CBX5: variants seen among roughly 807,000 people sequenced by gnomAD.
CBX5 encodes the protein chromobox 5, also known as chromobox protein homolog 5.
A neutral mutation model predicts 20.7 loss-of-function variants in CBX5; 7 were observed. That is an observed-to-expected ratio of 0.34 (90% confidence interval 0.19 to 0.63). The LOEUF (loss-of-function observed/expected upper bound fraction) is 0.63, where lower values mean the gene tolerates loss of function less well. Ranked by LOEUF, CBX5 falls within the 30% of genes least tolerant of loss-of-function variation. CBX5 has a pLI of 0.75. For synonymous variants in CBX5, 78 were observed against 77.0 expected (o/e 1.01, Z -0.07); for missense variants, 110 against 224.1 (o/e 0.49, Z 3.25).
rs1565869567 is a variant in CBX5 at position 54,252,016 on chromosome 12, T to TG, written c.324+24dup. 4 of 1,524,062 alleles carry TG rather than the reference T, an allele frequency of 2.6e-6. No homozygotes were observed. In the African/African-American group the frequency reaches 5.7e-5, roughly 22 times the overall value. 94.4% of individuals were successfully genotyped at this position (1,524,062 alleles called of 1,614,324 possible). ...ATTTTGGTGGCAAAAGAATAGTTTT[T>TG]GGGGAAAAGGGAAAGGAAGCTTACC... On this transcript the variant is annotated intron_variant, in intron 3 of 4. Coordinates refer to ENST00000209875, the MANE Select transcript of CBX5 (RefSeq NM_012117.3).
At chr12:54,271,326 T>C (rs1449802166) in intron 1 of CBX5, among the ~76,000 whole-genome samples, 2 of 152,062 alleles carry the variant, frequency 1.3e-5, no homozygotes, top group African/African-American at 4.8e-5. Context: ...TGTTATTTCC[T>C]TTTTCTTTTC....
intron 1 of CBX5, among the ~76,000 whole-genome samples, chr12:54,277,537 C>T (rs1944081821): frequency 6.6e-6 from 1 of 151,824 alleles, no homozygotes; most frequent in Non-Finnish European, 1.5e-5. Context: ...CGGGTTTCAC[C>T]TTGTTGGCCA....
intron 1 of CBX5, among the ~76,000 whole-genome samples, chr12:54,265,134 C>T (rs1943945186): frequency 6.6e-6 from 1 of 152,196 alleles, no homozygotes; most frequent in Non-Finnish European, 1.5e-5. Context: ...ACGATTCCCA[C>T]TTCTCCTTAA....
chr12:54,269,216 T>C (rs994394223), intron 1 of CBX5, among the ~76,000 whole-genome samples: 14 of 151,690 alleles, frequency 9.2e-5, no homozygotes, highest in African/African-American at 2.2e-4. Flanking sequence ...TGAGTCGAGA[T>C]TGCACAACTA....
At chr12:54,242,927 C>A (rs1943693460) in intron 4 of CBX5, among the ~76,000 whole-genome samples, 1 of 151,100 alleles carries the variant, frequency 6.6e-6, no homozygotes, top group African/African-American at 2.4e-5. Context: ...GAGTTTGAGA[C>A]CAGCCTGGGC....
intron 3 of CBX5, among the ~76,000 whole-genome samples, chr12:54,250,573 A>G (rs1299673330): frequency 6.6e-6 from 1 of 151,326 alleles, no homozygotes; most frequent in Non-Finnish European, 1.5e-5. Flanking sequence ...TGGGAGGCCG[A>G]GGCGGGTGGA....
At chr12:54,256,838 A>G (rs531059016) in intron 2 of CBX5, among the ~76,000 whole-genome samples, 1 of 152,226 alleles carries the variant, frequency 6.6e-6, no homozygotes, top group South Asian at 2.1e-4. Flanking sequence ...GGCTCACTTG[A>G]GCCTGGAAGT....
chr12:54,244,107 T>C (rs1347820487), intron 4 of CBX5, among the ~76,000 whole-genome samples: 1 of 151,204 alleles, frequency 6.6e-6, no homozygotes, highest in Non-Finnish European at 1.5e-5. Flanking sequence ...GTTCACACCA[T>C]TCTCCTGCCT....
intron 1 of CBX5, among the ~76,000 whole-genome samples, chr12:54,275,990 C>CAAAAAAAAAAAA (rs55963261): frequency 1.1e-5 from 1 of 90,728 alleles, no homozygotes; most frequent in Non-Finnish European, 2.2e-5. Flanking sequence ...GACTCCATTC[C>CAAAAAAAAAAAA]AAAAAAAAAA....
At chr12:54,252,327 G>C in intron 2 of CBX5, 100 bp from the exon 3 acceptor site, 1 of 751,682 alleles carries the variant, frequency 1.3e-6, no homozygotes, top group East Asian at 3.0e-5. Context: ...CGGACAAAAA[G>C]GACAGAGAAA....
intron 1 of CBX5, chr12:54,272,771 C>T (rs1470510569): frequency 6.6e-6 from 1 of 152,096 alleles, no homozygotes; most frequent in African/African-American, 2.4e-5. Flanking sequence ...AAATTATTGA[C>T]TTAAAAAACA....
intron 2 of CBX5, among the ~76,000 whole-genome samples, chr12:54,253,952 T>C (rs927260954): frequency 5.3e-5 from 8 of 151,888 alleles, no homozygotes; most frequent in Non-Finnish European, 8.8e-5. Flanking sequence ...GGTTTCACCA[T>C]GTTGGCCAGG....
intron 1 of CBX5, among the ~76,000 whole-genome samples, chr12:54,276,210 T>A (rs924302811): frequency 6.6e-6 from 1 of 152,142 alleles, no homozygotes; most frequent in East Asian, 1.9e-4. Context: ...TCTGTTTACA[T>A]AGATACTCCT....
At position 54,252,092 on chromosome 12, in the gene CBX5, T is replaced by A; in HGVS notation, c.273A>T (p.Lys91Asn). ...PREKSESNKR[K>N]SNFSNSADDI... ...CATCGGCACTGTTTGAGAAATTGGATTTCCTCTTGTTACTTTCTGACTTCT... is the reference window on the plus strand; with the variant it reads ...CATCGGCACTGTTTGAGAAATTGGAATTCCTCTTGTTACTTTCTGACTTCT... Residue 91 changes from lysine (K) to asparagine (N), a missense_variant, in exon 3 of 5, where the codon AAA becomes AAT. Lys to Asn is a moderately conservative substitution (Grantham distance 94, BLOSUM62 0). Coordinates refer to ENST00000209875, the MANE Select transcript of CBX5 (RefSeq NM_012117.3). The A allele has an allele frequency of 6.2e-7, 1 of 1,612,046 alleles. No individual in the cohort carries two copies. The highest frequency in any genetic ancestry group is 8.5e-7 in the Non-Finnish European group (1 of 1,179,374).
intron 2 of CBX5, among the ~76,000 whole-genome samples, chr12:54,252,742 T>C (rs1052241989): frequency 6.6e-6 from 1 of 152,070 alleles, no homozygotes; most frequent in Non-Finnish European, 1.5e-5. Context: ...CCCAGCACTC[T>C]GGGAGGCCGA....
At position 54,241,714 on chromosome 12, in the gene CBX5, G is replaced by A. The variant is rs745730704; in HGVS notation, c.*41C>T. ...AAGGAGAGGAGGCAGGGAGGTGAAT[G>A]TATTATGTACAAAGAGAAATGACAG... On this transcript the variant is annotated 3_prime_UTR_variant, in exon 5 of 5. Coordinates refer to ENST00000209875, the MANE Select transcript of CBX5 (RefSeq NM_012117.3). 8 of 1,574,378 alleles carry A rather than the reference G, an allele frequency of 5.1e-6. No individual in the cohort carries two copies. The highest frequency in any genetic ancestry group is 1.2e-5 in the South Asian group (1 of 85,294).
intron 1 of CBX5, among the ~76,000 whole-genome samples, chr12:54,265,199 G>A (rs1943945889): frequency 6.6e-6 from 1 of 152,182 alleles, no homozygotes; most frequent in Non-Finnish European, 1.5e-5. Flanking sequence ...CTACAGCACT[G>A]TCTTCAAAGC....
chr12:54,241,973 A>C, intron 4 of CBX5, 68 bp from the exon 5 acceptor site: 1 of 1,434,694 alleles, frequency 7.0e-7, no homozygotes, highest in Non-Finnish European at 9.5e-7. Flanking sequence ...ACATACGTTT[A>C]TGTCATTATA....
At position 54,279,819 on chromosome 12, in the gene CBX5, G is replaced by A. The variant is rs181384104; in HGVS notation, c.-43+189C>T. Among the ~76,000 whole-genome samples, 113 of 152,312 alleles carry A rather than the reference G, an allele frequency of 7.4e-4. 1 individual carries two copies. The highest frequency in any genetic ancestry group is 2.7e-3 in the African/African-American group (111 of 41,564). Reference sequence around the variant, plus strand: ...ATACACAAGCCAGTCAAAGTCTTCGGCTGCACAGCTCCAAAGAACCTACGG... The same window carrying A: ...ATACACAAGCCAGTCAAAGTCTTCGACTGCACAGCTCCAAAGAACCTACGG... On this transcript the variant is annotated intron_variant, in intron 1 of 4. Transcript: ENST00000209875.
Sources: gnomAD v4.1 joint callset for allele counts (sites outside exome capture counted in the v4.1 genomes callset) on GRCh38, gnomAD v4.1.1 for gene constraint, MANE v1.5 for transcripts, NCBI Gene and HGNC (gene_info 2026-07-23, HGNC 2026-07-21) for gene names.